The following DPP6 variants were observed in gnomAD, a reference collection of about 807,000 sequenced individuals.
DPP6 encodes the protein dipeptidyl peptidase like 6.
DPP6 carries 69 observed loss-of-function variants against 122.6 expected under a neutral mutation model. That is an observed-to-expected ratio of 0.56 (90% confidence interval 0.46 to 0.69). The LOEUF is 0.69. Among genes scored for constraint, DPP6 ranks in the 30% least tolerant of loss-of-function variants. The pLI is 0.00. For missense variants in DPP6, 928 were observed against 1,116.9 expected (o/e 0.83, Z 2.41); for synonymous variants, 418 against 433.1 (o/e 0.97, Z 0.43).
intron 16 of DPP6, among the ~76,000 whole-genome samples, chr7:154,832,751 G>A (rs1209247983): frequency 1.3e-5 from 2 of 152,154 alleles, no homozygotes; most frequent in Non-Finnish European, 2.9e-5. Flanking sequence ...CCCTAGTGAC[G>A]TCCTAGACAC....
chr7:154,849,090 G>A (rs569821375), intron 16 of DPP6, among the ~76,000 whole-genome samples: 15 of 152,054 alleles, frequency 9.9e-5, no homozygotes, highest in South Asian at 2.1e-4. Flanking sequence ...GAAATCAGGC[G>A]GTGTGATGCC....
intron 1 of DPP6, among the ~76,000 whole-genome samples, chr7:154,335,653 G>A (rs1332589017): frequency 3.3e-5 from 5 of 152,200 alleles, no homozygotes; most frequent in Non-Finnish European, 7.3e-5. Context: ...AGGAACCTGA[G>A]TGCTGTGTGC....
intron 1 of DPP6, among the ~76,000 whole-genome samples, chr7:154,310,902 C>A (rs2150997410): frequency 6.6e-6 from 1 of 152,216 alleles, no homozygotes; most frequent in African/African-American, 2.4e-5. Context: ...GTTTGGCACT[C>A]ACTGATCTAG....
At position 154,567,180 on chromosome 7, in the gene DPP6, A is replaced by G. The variant is rs75374191; in HGVS notation, c.627+264A>G. 5.3e-5 allele frequency among the ~76,000 whole-genome samples: 8 copies of G among 152,322 alleles called. No homozygotes were observed. In the East Asian group the frequency reaches 1.5e-3, roughly 29 times the overall value. On this transcript the variant is annotated intron_variant, in intron 5 of 25. Coordinates refer to ENST00000377770, the MANE Select transcript of DPP6 (RefSeq NM_130797.4). ...GAGGATGGTAAGAACTTGTCTCTTC[A>G]TAGACACAAATCTTGCCCTTTTGTG...
At chr7:153,790,902 G>T in the DPP6 span, among the ~76,000 whole-genome samples, 1 of 152,160 alleles carries the variant, frequency 6.6e-6, no homozygotes, top group Non-Finnish European at 1.5e-5. Flanking sequence ...TAACAAAGGT[G>T]TCTGGTGAAC....
At chr7:154,263,073 CG>C (rs1803144291) in intron 1 of DPP6, among the ~76,000 whole-genome samples, 1 of 152,164 alleles carries the variant, frequency 6.6e-6, no homozygotes. Context: ...GAGAAGGAGT[CG>C]GGCAAACACA....
Position 154,053,023 on chromosome 7 carries a change from G to A in DPP6, c.203G>A (p.Arg68Gln), listed in dbSNP as rs550671358. Residue 68 changes from arginine to glutamine, a missense_variant, in exon 1 of 26, where the codon CGG becomes CAG. Transcript: ENST00000377770. ...GGCGGCGGCGCGGGTGGCCGGCCCCGGTTCCAGTACCAGGCGCGGAGCGAT... is the reference window on the plus strand; with the variant it reads ...GGCGGCGGCGCGGGTGGCCGGCCCCAGTTCCAGTACCAGGCGCGGAGCGAT... ...GGGGGAGGRP[R>Q]FQYQARSDGD... 3.4e-4 allele frequency: 363 copies of A among 1,057,890 alleles called. No individual in the cohort carries two copies. In the African/African-American group the frequency reaches 5.8e-3, roughly 17 times the overall value. The allele number at this position is 1,057,890 out of a possible 1,614,324, so 65.5% of individuals were successfully genotyped here.
the DPP6 span, among the ~76,000 whole-genome samples, chr7:153,812,125 A>T: frequency 1.3e-5 from 2 of 151,954 alleles, no homozygotes; most frequent in Non-Finnish European, 2.9e-5. Context: ...CTTTTCCTCT[A>T]CTCAGAAAAG....
intron 1 of DPP6, among the ~76,000 whole-genome samples, chr7:154,164,590 A>T (rs1797148670): frequency 6.6e-6 from 1 of 152,032 alleles, no homozygotes; most frequent in Non-Finnish European, 1.5e-5. Flanking sequence ...TCATCATCCA[A>T]AATAGAAATC....
chr7:154,367,090 T>C lies in DPP6; in HGVS notation c.244-79124T>C, dbSNP rs138606525. 3.7e-3 allele frequency among the ~76,000 whole-genome samples: 569 copies of C among 152,130 alleles called. 5 individuals carry two copies. The highest frequency in any genetic ancestry group is 0.013 in the African/African-American group (548 of 41,424). Reference sequence around the variant, plus strand: ...GCAACGACGAGCTTTCCATGTCCCATTGGAGTTGTTGAGAGACAGGGACTG... The same window carrying C: ...GCAACGACGAGCTTTCCATGTCCCACTGGAGTTGTTGAGAGACAGGGACTG... On this transcript the variant is annotated intron_variant, in intron 1 of 25. Transcript: ENST00000377770.
intron 5 of DPP6, among the ~76,000 whole-genome samples, chr7:154,620,719 A>G (rs1447164574): frequency 1.3e-5 from 2 of 152,242 alleles, no homozygotes; most frequent in Non-Finnish European, 2.9e-5. Context: ...GTCAGCAAGT[A>G]GCACATGCTT....
intron 1 of DPP6, among the ~76,000 whole-genome samples, chr7:154,435,117 A>G (rs1586262129): frequency 6.6e-6 from 1 of 152,218 alleles, no homozygotes; most frequent in East Asian, 1.9e-4. Flanking sequence ...AATTACAGGC[A>G]TGAGCCACCA....
At chr7:154,539,534 T>G (rs891526612) in intron 3 of DPP6, among the ~76,000 whole-genome samples, 30 of 151,718 alleles carry the variant, frequency 2.0e-4, no homozygotes, top group Non-Finnish European at 4.0e-4. Flanking sequence ...CTAATGTAAA[T>G]GATGAGTTAA....
intron 4 of DPP6, among the ~76,000 whole-genome samples, chr7:154,562,866 G>A (rs1195245554): frequency 6.6e-6 from 1 of 151,954 alleles, no homozygotes; most frequent in Non-Finnish European, 1.5e-5. Context: ...ACATCCTTGG[G>A]AATAAATTTA....
intron 1 of DPP6, among the ~76,000 whole-genome samples, chr7:154,044,651 A>G (rs1206903610): frequency 1.3e-5 from 2 of 152,196 alleles, no homozygotes; most frequent in African/African-American, 4.8e-5. Context: ...CCATTTGTAC[A>G]TGGAAATTTA....
chr7:154,709,470 T>A (rs970180187), intron 7 of DPP6, among the ~76,000 whole-genome samples: 1 of 152,092 alleles, frequency 6.6e-6, no homozygotes, highest in Non-Finnish European at 1.5e-5. Flanking sequence ...TCCTCCCACC[T>A]TGGCCTCCCA....
At chr7:153,928,343 C>G (rs1267577411) in intron 1 of DPP6, among the ~76,000 whole-genome samples, 1 of 148,552 alleles carries the variant, frequency 6.7e-6, no homozygotes, top group Non-Finnish European at 1.5e-5. Flanking sequence ...TCCCAAGTAG[C>G]TGGGATTACA....
chr7:153,964,188 G>A (rs1424123885), intron 1 of DPP6, among the ~76,000 whole-genome samples: 1 of 151,976 alleles, frequency 6.6e-6, no homozygotes, highest in Non-Finnish European at 1.5e-5. Context: ...TACAGACGGG[G>A]TTTCACCATG....
intron 18 of DPP6, 94 bp downstream of exon 18, chr7:154,868,187 A>G: frequency 6.8e-7 from 1 of 1,468,104 alleles, no homozygotes; most frequent in Non-Finnish European, 9.1e-7. Flanking sequence ...CCCTGCAAGG[A>G]AGACTCCCCA....
Sources: gnomAD v4.1 joint callset for allele counts (sites outside exome capture counted in the v4.1 genomes callset) on GRCh38, gnomAD v4.1.1 for gene constraint, MANE v1.5 for transcripts, NCBI Gene and HGNC (gene_info 2026-07-23, HGNC 2026-07-21) for gene names.